Variants in ZFHX4 observed in about 807,000 individuals in gnomAD.
ZFHX4 encodes the protein zinc finger homeobox 4.
A neutral mutation model predicts 267.6 loss-of-function variants in ZFHX4; 56 were observed. That is an observed-to-expected ratio of 0.21 (90% CI 0.17 to 0.26). The LOEUF (loss-of-function observed/expected upper bound fraction) is 0.26. Among genes scored for constraint, ZFHX4 ranks in the 10% least tolerant of loss-of-function variants. The probability of loss-of-function intolerance (pLI) is 1.00; values close to 1 mark genes in which losing one functional copy is unlikely to be tolerated. For missense variants in ZFHX4, 4,332 were observed against 4,420.0 expected (o/e 0.98, Z 0.56); for synonymous variants, 1,778 against 1,665.6 (o/e 1.07, Z -1.64).
intron 3 of ZFHX4, among the ~76,000 whole-genome samples, chr8:76,728,466 A>G (rs943887974): frequency 1.3e-5 from 2 of 152,234 alleles, no homozygotes; most frequent in African/African-American, 4.8e-5. Flanking sequence ...GGGGGATATG[A>G]AAATGAGCTA....
chr8:76,821,599 G>T (rs937771413), intron 4 of ZFHX4, among the ~76,000 whole-genome samples: 4 of 150,868 alleles, frequency 2.7e-5, no homozygotes, highest in African/African-American at 9.8e-5. Context: ...TTCCTGATCA[G>T]TTTTCTTCAT....
chr8:76,720,093 A>AT (rs900734486), intron 3 of ZFHX4, among the ~76,000 whole-genome samples: 6 of 152,288 alleles, frequency 3.9e-5, no homozygotes, highest in Admixed American at 3.3e-4. Context: ...TTATGCAGCC[A>AT]TTACCACAAT....
At chr8:76,709,798 T>TGC (rs1445543507) in intron 3 of ZFHX4, among the ~76,000 whole-genome samples, 5 of 139,110 alleles carry the variant, frequency 3.6e-5, no homozygotes, top group South Asian at 4.4e-4. Context: ...TGTGCGTGTG[T>TGC]GTGCGTGTGT....
chr8:76,849,554 A>C lies in ZFHX4; in HGVS notation c.3688A>C (p.Ser1230Arg). 1 of 1,613,988 alleles carries C rather than the reference A, an allele frequency of 6.2e-7. No homozygotes were observed. The highest frequency in any genetic ancestry group is 8.5e-7 in the Non-Finnish European group (1 of 1,179,870). The stretch of plus-strand genomic sequence containing the variant: ...TTGTAACTACAATAGTAGGGACCAA[A>C]GTCGTATCCAGATGCACGTCCTATC... ...PYCNYNSRDQ[S>R]RIQMHVLSQH... The change falls in exon 8 of 11, where the codon AGT becomes CGT. Residue 1230 changes from serine (S) to arginine (R), a missense_variant. Physicochemically the swap from Ser to Arg is moderately radical, Grantham distance 110. Around this residue, in one of 7 missense-constraint regions of ZFHX4, gnomAD observed 1,371 missense variants for 1,423.1 expected, o/e 0.96. Transcript: ENST00000651372.
At position 76,854,030 on chromosome 8, in the gene ZFHX4, C is replaced by T. The variant is rs200621033; in HGVS notation, c.7109C>T (p.Thr2370Met). 985 of 1,613,930 alleles carry T rather than the reference C, an allele frequency of 6.1e-4. 1 individual carries two copies. Among genetic ancestry groups the T allele is most frequent in the South Asian group, 2.0e-3 (180 of 91,072 alleles). The part of the protein sequence containing the change: ...VYKHCTVSGQ[T>M]DAAKNAAAPA... Reference sequence around the variant, plus strand: ...AAGCATTGCACAGTGTCTGGCCAAACGGATGCAGCTAAAAACGCTGCTGCC... The same window carrying T: ...AAGCATTGCACAGTGTCTGGCCAAATGGATGCAGCTAAAAACGCTGCTGCC... The change falls in exon 10 of 11, where the codon ACG becomes ATG. Residue 2370 changes from threonine (T) to methionine (M), a missense_variant. By Grantham distance (81) the Thr-to-Met change is moderately conservative. Coordinates refer to ENST00000651372, the MANE Select transcript of ZFHX4 (RefSeq NM_024721.5).
intron 3 of ZFHX4, among the ~76,000 whole-genome samples, chr8:76,755,981 G>C (rs960744846): frequency 1.3e-5 from 2 of 152,176 alleles, no homozygotes; most frequent in African/African-American, 4.8e-5. Flanking sequence ...CCATCAACTT[G>C]CTTCGTAGGA....
intron 3 of ZFHX4, among the ~76,000 whole-genome samples, chr8:76,714,118 C>T (rs762583008): frequency 6.6e-6 from 1 of 152,110 alleles, no homozygotes; most frequent in Non-Finnish European, 1.5e-5. Context: ...TATCACCCAC[C>T]CTGAGGTCAT....
chr8:76,772,246 A>C (rs1175604834), intron 3 of ZFHX4, among the ~76,000 whole-genome samples: 2 of 152,162 alleles, frequency 1.3e-5, no homozygotes, highest in Non-Finnish European at 2.9e-5. Context: ...GAGGGAAATC[A>C]GTTGTGTTTT....
At chr8:76,728,609 G>T (rs1174960607) in intron 3 of ZFHX4, among the ~76,000 whole-genome samples, 1 of 152,140 alleles carries the variant, frequency 6.6e-6, no homozygotes, top group Non-Finnish European at 1.5e-5. Flanking sequence ...TTCAATGCAA[G>T]TGGAAGAACC....
chr8:76,737,079 C>T (rs537231507), intron 3 of ZFHX4, among the ~76,000 whole-genome samples: 15 of 152,254 alleles, frequency 9.9e-5, no homozygotes, highest in African/African-American at 3.4e-4. Flanking sequence ...CACTTGTTTA[C>T]CAAATCCTAA....
chr8:76,719,835 CA>C lies in ZFHX4; in HGVS notation c.3093+11788del, dbSNP rs769924939. Among the ~76,000 whole-genome samples, 10 of 152,044 alleles carry C rather than the reference CA, an allele frequency of 6.6e-5. 1 individual carries two copies. The East Asian group carries it at 1.7e-3, about 26-fold the overall frequency. The stretch of plus-strand genomic sequence containing the variant: ...ATGGCAATCCCAATATTGAAGTATG[CA>C]GTTCTATAGGAAAATGTGACTGAAA... On this transcript the variant is annotated intron_variant, in intron 3 of 10. Transcript: ENST00000651372.
At chr8:76,862,347 G>A (rs13256114) in intron 10 of ZFHX4, among the ~76,000 whole-genome samples, 24,345 of 152,086 alleles carry the variant, frequency 0.16, 2,313 homozygotes, top group African/African-American at 0.26. Context: ...ATGTTTTGGG[G>A]GTGGTAAAGT....
At position 76,863,396 on chromosome 8, in the gene ZFHX4, G is replaced by T. The variant is rs1812928708; in HGVS notation, c.9682G>T (p.Val3228Leu). 2 of 1,613,884 alleles carry T rather than the reference G, an allele frequency of 1.2e-6. No homozygotes were observed. Among genetic ancestry groups the T allele is most frequent in the African/African-American group, 1.3e-5 (1 of 74,938 alleles). ...GGAAAAAATCTCATCTGCTCTTTCA[G>T]TGTTGGGCAAAGTTGTAGGTGAAAC... ...KEEKISSALS[V>L]LGKVVGETHV... Residue 3228 changes from valine (V) to leucine (L), a missense_variant, in exon 11 of 11, where the codon GTG (valine) becomes TTG (leucine). By Grantham distance (32) the Val-to-Leu change is conservative. Around this residue, in one of 7 missense-constraint regions of ZFHX4, gnomAD observed 1,648 missense variants for 1,625.0 expected, o/e 1.01. Transcript: ENST00000651372.
At chr8:76,713,728 G>A (rs2131625764) in intron 3 of ZFHX4, among the ~76,000 whole-genome samples, 1 of 152,272 alleles carries the variant, frequency 6.6e-6, no homozygotes, top group Middle Eastern at 3.4e-3. Flanking sequence ...CTCCAAAGGT[G>A]TAATTGACTT....
In ZFHX4 at chr8:76,704,424, C is replaced by T. The variant is rs1808188920; in HGVS notation, c.336C>T (p.Asn112=). 3 of 1,613,924 alleles carry T rather than the reference C, an allele frequency of 1.9e-6. No individual in the cohort carries two copies. The highest frequency in any genetic ancestry group is 2.7e-5 in the African/African-American group (2 of 74,998). The change falls in exon 2 of 11, where the codon AAC becomes AAT. Residue 112 remains asparagine (N), a synonymous_variant. Coordinates refer to ENST00000651372, the MANE Select transcript of ZFHX4 (RefSeq NM_024721.5). ...GCCTTCCTGTCCTGAAGGATGACAA[C>T]GAGAGCGAGATCAGCGAGTTAGAGG... ...NARLPVLKDD[N]ESEISELEDS...
rs976621124 is a variant in ZFHX4, at chr8:76,866,066, T to A, written c.*1501T>A. On this transcript the variant is annotated 3_prime_UTR_variant, in exon 11 of 11. Transcript: ENST00000651372. The stretch of plus-strand genomic sequence containing the variant: ...AAAGAATGTGAAAGCTGTCAAAGGG[T>A]ATTTTACGAATCACTTTTGTGTTTG... 6.6e-6 allele frequency: 1 copy of A among 152,590 alleles called. No homozygotes were observed. Among genetic ancestry groups the A allele is most frequent in the African/African-American group, 2.4e-5 (1 of 41,444 alleles). The allele number at this position is 152,590 out of a possible 1,614,324, so 9.5% of individuals were successfully genotyped here.
rs542578978 is a variant in ZFHX4 at position 76,846,703 on chromosome 8, C to A, written c.3512-2292C>A. Among the ~76,000 whole-genome samples, 8 of 152,090 alleles carry A rather than the reference C, an allele frequency of 5.3e-5. 1 individual carries two copies. Among genetic ancestry groups the A allele is most frequent in the African/African-American group, 1.9e-4 (8 of 41,528 alleles). On this transcript the variant is annotated intron_variant, in intron 6 of 10. Transcript: ENST00000651372. ...GTAGGTTTAGTAAAATGTTCCAGAT[C>A]TTGAAATCAATACATTTTTTGATCC...
At chr8:76,846,226 A>G (rs533382412) in intron 6 of ZFHX4, among the ~76,000 whole-genome samples, 263 of 152,182 alleles carry the variant, frequency 1.7e-3, no homozygotes, top group African/African-American at 6.0e-3. Context: ...CATCTTTACA[A>G]ATAATCCTGA....
chr8:76,704,345 C>A lies in ZFHX4; in HGVS notation c.257C>A (p.Ala86Asp), dbSNP rs754102712. The change falls in exon 2 of 11, where the codon GCC becomes GAC. Residue 86 changes from alanine to aspartate, a missense_variant. Ala to Asp is a moderately radical substitution (Grantham distance 126). Coordinates refer to ENST00000651372, the MANE Select transcript of ZFHX4 (RefSeq NM_024721.5). The stretch of plus-strand genomic sequence containing the variant: ...AAGGAGATACCCTGCAACGAATGTG[C>A]CACTTCTTTTCCCAGTTTACAGAAA... ...SAKEIPCNECATSFPSLQKYM... is the reference protein window; with the variant it reads ...SAKEIPCNECDTSFPSLQKYM... 1.2e-6 allele frequency: 2 copies of A among 1,613,988 alleles called. No homozygotes were observed. The highest frequency in any genetic ancestry group is 8.5e-7 in the Non-Finnish European group (1 of 1,179,888).
Sources: allele counts gnomAD v4.1 joint callset (sites outside exome capture counted in the v4.1 genomes callset), GRCh38; gene constraint gnomAD v4.1.1; regional missense constraint gnomAD v4.1.1; transcripts MANE v1.5; gene names NCBI Gene and HGNC (gene_info 2026-07-23, HGNC 2026-07-21).